ALS2: variants seen among roughly 807,000 people sequenced by gnomAD.
ALS2 encodes the protein alsin.
ALS2 carries 117 observed loss-of-function variants against 203.4 expected under a neutral mutation model. The observed-to-expected ratio is 0.58, with a 90% CI of 0.50 to 0.67. The LOEUF is 0.67. Ranked by LOEUF, ALS2 falls within the 30% of genes least tolerant of loss-of-function variation. The pLI is 0.00. For missense variants in ALS2, 1,715 were observed against 1,989.4 expected, an observed-to-expected ratio of 0.86 and a Z score of 2.62; for synonymous variants, 718 against 725.9, an observed-to-expected ratio of 0.99 and a Z score of 0.17.
At chr2:201,707,106 A>G in intron 28 of ALS2, 84 bp from the exon 29 acceptor site, 1 of 1,305,492 alleles carries the variant, frequency 7.7e-7, no homozygotes. Flanking sequence ...TCAGTTTCAA[A>G]AAGTCAAAAG....
At chr2:201,773,737 G>A (rs1694527911) in intron 1 of ALS2, among the ~76,000 whole-genome samples, 1 of 152,194 alleles carries the variant, frequency 6.6e-6, no homozygotes, top group Non-Finnish European at 1.5e-5. Context: ...TATATGGAAA[G>A]AGAAAGGAAA....
intron 1 of ALS2, among the ~76,000 whole-genome samples, chr2:201,778,817 C>T (rs971209634): frequency 6.6e-6 from 1 of 152,208 alleles, no homozygotes; most frequent in Admixed American, 6.5e-5. Context: ...CAAATCCTCA[C>T]AGCATGCCTC....
chr2:201,746,203 A>C (rs1692632570), intron 9 of ALS2, among the ~76,000 whole-genome samples: 1 of 152,218 alleles, frequency 6.6e-6, no homozygotes, highest in Non-Finnish European at 1.5e-5. Context: ...GAGGGTGTTA[A>C]TTCAACAAAC....
intron 12 of ALS2, among the ~76,000 whole-genome samples, chr2:201,735,423 C>T (rs1242773720): frequency 6.6e-6 from 1 of 152,178 alleles, no homozygotes; most frequent in Non-Finnish European, 1.5e-5. Flanking sequence ...AATCAAACCA[C>T]CAGGCAAGCC....
chr2:201,763,908 G>A (rs897663052), intron 3 of ALS2, among the ~76,000 whole-genome samples: 4 of 151,976 alleles, frequency 2.6e-5, no homozygotes, highest in African/African-American at 9.7e-5. Context: ...TTTTCCATAT[G>A]ACCAGAGATT....
rs866584771 is a variant in ALS2, at chr2:201,759,397, T to G, written c.1113+1484A>C. ...ACAAATAAATTCCTTGTGAATTAGC[T>G]GTATGATTGAGATGTTATTTACAAA... On this transcript the variant is annotated intron_variant, in intron 4 of 33. Transcript: ENST00000264276. The G allele has an allele frequency of 1.4e-4, 133 of 955,980 alleles. 1 individual carries two copies. In the African/African-American group the frequency reaches 2.1e-3, roughly 15 times the overall value. The allele number at this position is 955,980 out of a possible 1,614,324, so 59.2% of individuals were successfully genotyped here.
chr2:201,715,078 G>C (rs1250819368), intron 25 of ALS2, among the ~76,000 whole-genome samples: 1 of 152,150 alleles, frequency 6.6e-6, no homozygotes, highest in Admixed American at 6.5e-5. Flanking sequence ...GCCACCAAAG[G>C]GGGAAGAAGA....
In ALS2 at chr2:201,700,878, G is replaced by C. The variant is rs1363266453; in HGVS notation, c.*973C>G. The C allele has an allele frequency of 6.6e-6, 1 of 152,296 alleles. No individual in the cohort carries two copies. Among genetic ancestry groups the C allele is most frequent in the Non-Finnish European group, 1.5e-5 (1 of 68,018 alleles). The allele number at this position is 152,296 out of a possible 1,614,324, so 9.4% of individuals were successfully genotyped here. On this transcript the variant is annotated 3_prime_UTR_variant, in exon 34 of 34. Coordinates refer to ENST00000264276, the MANE Select transcript of ALS2 (RefSeq NM_020919.4). ...AATGTTGAGGTGCCACAATACTTTT[G>C]AGATGGAAAAAGCCAAAGCTTGTTT... is the stretch of plus-strand genomic sequence containing the variant.
rs370628135 is a variant in ALS2 at position 201,723,134 on chromosome 2, CAA to C, written c.3625-16_3625-15del. On this transcript the variant is annotated splice_polypyrimidine_tract_variant and intron_variant, in intron 22 of 33. Coordinates refer to ENST00000264276, the MANE Select transcript of ALS2 (RefSeq NM_020919.4). ...AACCCCATTTCCCTACAAGAAGAAACAAGAGAAAAATTACAACACATAAAATA... is the reference window on the plus strand; with the variant it reads ...AACCCCATTTCCCTACAAGAAGAAACGAGAAAAATTACAACACATAAAATA... 2,002 of 1,603,244 alleles carry C rather than the reference CAA, an allele frequency of 1.2e-3. 23 individuals carry two copies. The African/African-American group carries it at 0.025, about 20-fold the overall frequency.
intron 27 of ALS2, among the ~76,000 whole-genome samples, 184 bp from the exon 28 acceptor site, chr2:201,708,175 C>T (rs1689843331): frequency 6.6e-6 from 1 of 152,106 alleles, no homozygotes; most frequent in Non-Finnish European, 1.5e-5. Flanking sequence ...AATACCACTA[C>T]AAAATCTTCA....
Position 201,726,780 on chromosome 2 carries a change from A to G in ALS2, c.3066T>C (p.Ser1022=). Residue 1022 remains serine (S), a synonymous_variant, in exon 18 of 34, where the codon AGT becomes AGC. Coordinates refer to ENST00000264276, the MANE Select transcript of ALS2 (RefSeq NM_020919.4). ...SDLPPYGSGS[S]VQRQEPPISR... is the part of the protein sequence containing the mutation. ...AAATGGGTGGTTCCTGTCTCTGAACACTGCTACCACTTCCATAAGGGGGGA... is the reference window on the plus strand; with the variant it reads ...AAATGGGTGGTTCCTGTCTCTGAACGCTGCTACCACTTCCATAAGGGGGGA... 6.2e-7 allele frequency: 1 copy of G among 1,614,154 alleles called. No homozygotes were observed. The highest frequency in any genetic ancestry group is 1.1e-5 in the South Asian group (1 of 91,086).
At chr2:201,760,616 G>GA (rs1022883968) in intron 4 of ALS2, 1,037 of 1,246,544 alleles carry the variant, frequency 8.3e-4, no homozygotes, top group East Asian at 2.5e-3. Context: ...GTACTAGCAA[G>GA]AAAAAAAAAT....
chr2:201,707,722 G>A (rs745366214), intron 28 of ALS2, 147 bp downstream of exon 28: 138 of 1,027,848 alleles, frequency 1.3e-4, no homozygotes, highest in Non-Finnish European at 1.9e-4. Context: ...AGCCACTGTG[G>A]CTGGCCCCAA....
chr2:201,773,233 G>A (rs1694492303), intron 1 of ALS2, among the ~76,000 whole-genome samples: 1 of 152,156 alleles, frequency 6.6e-6, no homozygotes, highest in African/African-American at 2.4e-5. Context: ...CACTCACGGA[G>A]CACCAAAATG....
chr2:201,717,377 A>C (rs1690470556), intron 24 of ALS2, among the ~76,000 whole-genome samples: 1 of 149,858 alleles, frequency 6.7e-6, no homozygotes, highest in South Asian at 2.1e-4. Context: ...GAGGCAGGAG[A>C]ATCGCTTGAA....
intron 7 of ALS2, among the ~76,000 whole-genome samples, chr2:201,751,584 G>A (rs550265560): frequency 6.6e-6 from 1 of 152,058 alleles, no homozygotes; most frequent in South Asian, 2.1e-4. Context: ...CACATATGTT[G>A]CAGATATTTT....
At chr2:201,744,954 G>T (rs1270894750) in intron 9 of ALS2, among the ~76,000 whole-genome samples, 1 of 152,076 alleles carries the variant, frequency 6.6e-6, no homozygotes, top group African/African-American at 2.4e-5. Flanking sequence ...CTTAAAAAGG[G>T]ACTTTTTGTC....
At chr2:201,738,919 G>T (rs895014850) in intron 11 of ALS2, among the ~76,000 whole-genome samples, 184 bp from the exon 12 acceptor site, 1 of 152,060 alleles carries the variant, frequency 6.6e-6, no homozygotes, top group African/African-American at 2.4e-5. Flanking sequence ...TAAAGGGAGT[G>T]GTAGGGGAAT....
chr2:201,741,686 T>C lies in ALS2; in HGVS notation c.2339A>G (p.Asp780Gly). Reference protein sequence around the residue: ...VILKHSSLFLDSYTEYCTSIT... With the variant: ...VILKHSSLFLGSYTEYCTSIT... ...ACTGGATACTTGCTCTGTATAACTA[T>C]CCAAGAAGAGACTTGAATGCTTCAG... Residue 780 changes from aspartate to glycine, a missense_variant, in exon 11 of 34, where the codon GAT becomes GGT. This residue lies in a region of ALS2 where 1,227 missense variants were observed against 1,413.5 expected (regional missense o/e 0.87). Coordinates refer to ENST00000264276, the MANE Select transcript of ALS2 (RefSeq NM_020919.4). 6.2e-7 allele frequency: 1 copy of C among 1,614,070 alleles called. No homozygotes were observed. Among genetic ancestry groups the C allele is most frequent in the Non-Finnish European group, 8.5e-7 (1 of 1,180,010 alleles).
Sources: gnomAD v4.1 joint callset for allele counts (sites outside exome capture counted in the v4.1 genomes callset) on GRCh38, gnomAD v4.1.1 for gene constraint, gnomAD v4.1.1 regional missense constraint, MANE v1.5 for transcripts, NCBI Gene and HGNC (gene_info 2026-07-23, HGNC 2026-07-21) for gene names.